NELL1: variants seen among roughly 807,000 people sequenced by gnomAD.
The protein encoded by NELL1 is protein kinase C-binding protein NELL1.
Under a neutral mutation model 107.4 loss-of-function variants are expected in NELL1, and 76 were observed. The ratio of observed to expected loss-of-function variants is 0.71; its 90% CI spans 0.59 to 0.86. The LOEUF is 0.86. Among genes scored for constraint, NELL1 ranks in the 40% least tolerant of loss-of-function variants. The pLI is 0.00. For synonymous variants in NELL1, 353 were observed against 341.2 expected, an observed-to-expected ratio of 1.03 and a Z score of -0.38; for missense variants, 1,024 against 1,005.5, an observed-to-expected ratio of 1.02 and a Z score of -0.25.
At chr11:21,091,815 A>G (rs1306157504) in intron 12 of NELL1, among the ~76,000 whole-genome samples, 1 of 152,240 alleles carries the variant, frequency 6.6e-6, no homozygotes, top group African/African-American at 2.4e-5. Flanking sequence ...CAATGACAAT[A>G]TAATTGAACT....
intron 12 of NELL1, among the ~76,000 whole-genome samples, chr11:20,984,206 C>T (rs1486448612): frequency 6.6e-6 from 1 of 152,158 alleles, no homozygotes; most frequent in Non-Finnish European, 1.5e-5. Flanking sequence ...TGATTCTGGA[C>T]ATTTTCCCCA....
At chr11:20,937,421 A>G (rs1304921042) in intron 9 of NELL1, among the ~76,000 whole-genome samples, 2 of 152,190 alleles carry the variant, frequency 1.3e-5, no homozygotes, top group African/African-American at 4.8e-5. Flanking sequence ...CACCCAGTTC[A>G]TTTTAGCTGG....
chr11:21,177,545 A>T (rs1463948693), intron 13 of NELL1, among the ~76,000 whole-genome samples: 2 of 151,864 alleles, frequency 1.3e-5, no homozygotes, highest in Admixed American at 1.3e-4. Context: ...ATAGCTTGGA[A>T]ATAATAAACA....
chr11:21,277,181 T>G (rs1045820284), intron 14 of NELL1, among the ~76,000 whole-genome samples: 5 of 151,814 alleles, frequency 3.3e-5, no homozygotes, highest in African/African-American at 4.8e-5. Context: ...GAATCTACAA[T>G]GAACTCAAAC....
intron 4 of NELL1, among the ~76,000 whole-genome samples, chr11:20,867,274 T>G (rs1249958279): frequency 2.6e-5 from 4 of 152,210 alleles, no homozygotes; most frequent in Non-Finnish European, 5.9e-5. Flanking sequence ...GCTTCAGTTA[T>G]TTGGGCCACA....
chr11:20,857,863 G>A (rs1174522678), intron 4 of NELL1, among the ~76,000 whole-genome samples: 2 of 152,158 alleles, frequency 1.3e-5, no homozygotes, highest in African/African-American at 4.8e-5. Flanking sequence ...AGGGCCTATA[G>A]CGGTGCATGG....
At chr11:21,255,100 A>G (rs1295076358) in intron 14 of NELL1, among the ~76,000 whole-genome samples, 1 of 152,078 alleles carries the variant, frequency 6.6e-6, no homozygotes, top group East Asian at 1.9e-4. Context: ...TGAGGCCTTT[A>G]ATGGAGCCAA....
chr11:21,116,113 T>A (rs915313799), intron 13 of NELL1, among the ~76,000 whole-genome samples: 1 of 152,032 alleles, frequency 6.6e-6, no homozygotes, highest in African/African-American at 2.4e-5. Context: ...GAGGATACAT[T>A]TATCAAGGCC....
At chr11:21,108,122 G>A (rs1216566993) in intron 12 of NELL1, among the ~76,000 whole-genome samples, 1 of 152,136 alleles carries the variant, frequency 6.6e-6, no homozygotes. Context: ...ATGTACACAG[G>A]GAGTGGGGAA....
At chr11:21,036,997 C>T (rs973532209) in intron 12 of NELL1, among the ~76,000 whole-genome samples, 17 of 151,720 alleles carry the variant, frequency 1.1e-4, no homozygotes, top group Admixed American at 4.6e-4. Flanking sequence ...TCTTATTCAT[C>T]TAGTAGTAAT....
At chr11:21,116,407 A>T (rs1855237008) in intron 13 of NELL1, among the ~76,000 whole-genome samples, 3 of 151,940 alleles carry the variant, frequency 2.0e-5, no homozygotes, top group Admixed American at 1.3e-4. Context: ...GAGCTTTAAT[A>T]GTATCTTTAT....
rs202226308 is a variant in NELL1 at position 21,493,037 on chromosome 11, CATCTT to C, written c.1646-41330_1646-41326del. The stretch of plus-strand genomic sequence containing the variant: ...GAAAATCAAAATCACAATAAAGTGT[CATCTT>C]ATCTTACTCCAGTTAGAATGGCTAT... On this transcript the variant is annotated intron_variant, in intron 15 of 19. Coordinates refer to ENST00000357134, the MANE Select transcript of NELL1 (RefSeq NM_006157.5). Among the ~76,000 whole-genome samples, 928 of 152,088 alleles carry C rather than the reference CATCTT, an allele frequency of 6.1e-3. 9 individuals are homozygous for C. The highest frequency in any genetic ancestry group is 0.021 in the African/African-American group (863 of 41,506).
At chr11:21,088,086 TG>T (rs1854438592) in intron 12 of NELL1, among the ~76,000 whole-genome samples, 1 of 151,608 alleles carries the variant, frequency 6.6e-6, no homozygotes, top group Non-Finnish European at 1.5e-5. Context: ...TGTGTGTGTG[TG>T]TGTGTGTGTG....
intron 13 of NELL1, among the ~76,000 whole-genome samples, chr11:21,127,548 A>G (rs914933818): frequency 3.9e-5 from 6 of 152,030 alleles, no homozygotes; most frequent in African/African-American, 1.4e-4. Context: ...CTAGTAGTTC[A>G]AGGATTCAGT....
chr11:21,407,826 T>A (rs564171732), intron 15 of NELL1, among the ~76,000 whole-genome samples: 71 of 151,878 alleles, frequency 4.7e-4, no homozygotes, highest in African/African-American at 1.7e-3. Flanking sequence ...TTCTACAGTA[T>A]CCTTTATCTA....
At chr11:21,536,573 C>T (rs546651595) in intron 16 of NELL1, among the ~76,000 whole-genome samples, 1 of 152,274 alleles carries the variant, frequency 6.6e-6, no homozygotes, top group East Asian at 1.9e-4. Context: ...TCAGTAGCTT[C>T]ACTTGTACAA....
At chr11:20,916,054 T>C (rs1418098035) in intron 5 of NELL1, among the ~76,000 whole-genome samples, 6 of 151,816 alleles carry the variant, frequency 4.0e-5, no homozygotes, top group Non-Finnish European at 7.4e-5. Context: ...TCAAATAAAT[T>C]AACATTCCCA....
At chr11:20,790,399 C>T (rs920779190) in intron 3 of NELL1, among the ~76,000 whole-genome samples, 2 of 152,250 alleles carry the variant, frequency 1.3e-5, no homozygotes, top group Non-Finnish European at 2.9e-5. Context: ...TGCCGGAACT[C>T]GGCCCCGACT....
intron 14 of NELL1, among the ~76,000 whole-genome samples, chr11:21,277,866 A>G (rs1487560391): frequency 1.3e-5 from 2 of 152,170 alleles, no homozygotes; most frequent in African/African-American, 4.8e-5. Flanking sequence ...ACACGGACAC[A>G]GGAATAGGAA....
Sources: gnomAD v4.1 joint callset for allele counts (sites outside exome capture counted in the v4.1 genomes callset) on GRCh38, gnomAD v4.1.1 for gene constraint, MANE v1.5 for transcripts, NCBI Gene and HGNC (gene_info 2026-07-23, HGNC 2026-07-21) for gene names.